SLC36A1: variants seen among roughly 807,000 people sequenced by gnomAD.
SLC36A1 encodes proton-coupled amino acid transporter 1.
Under a neutral mutation model 47.5 loss-of-function variants are expected in SLC36A1, and 30 were observed. The ratio of observed to expected loss-of-function variants is 0.63; its 90% CI spans 0.47 to 0.86. The LOEUF (loss-of-function observed/expected upper bound fraction) is 0.86, where lower values mean the gene tolerates loss of function less well. Among genes scored for constraint, SLC36A1 ranks in the 40% least tolerant of loss-of-function variants. SLC36A1 has a pLI of 0.00. For synonymous variants in SLC36A1, 255 were observed against 249.7 expected (o/e 1.02, Z -0.20); for missense variants, 517 against 606.0 (o/e 0.85, Z 1.54).
At chr5:151,468,380 ATATT>A (rs1756882529) in intron 7 of SLC36A1, among the ~76,000 whole-genome samples, 1 of 143,464 alleles carries the variant, frequency 7.0e-6, no homozygotes, top group African/African-American at 2.6e-5. Flanking sequence ...CATGTAATAT[ATATT>A]ATGTACATGC....
chr5:151,384,752 G>A, the SLC36A1 span, among the ~76,000 whole-genome samples: 1 of 152,104 alleles, frequency 6.6e-6, no homozygotes, highest in Non-Finnish European at 1.5e-5. Context: ...TCTTTGTTAT[G>A]TTGAGCTTAA....
the SLC36A1 span, among the ~76,000 whole-genome samples, chr5:151,537,446 A>AG: frequency 2.7e-3 from 390 of 144,752 alleles, 2 homozygotes; most frequent in South Asian, 0.014. Flanking sequence ...AGGAGAGGGG[A>AG]GGGGAGGGGA....
At chr5:151,345,265 T>C in the SLC36A1 span, among the ~76,000 whole-genome samples, 5 of 152,208 alleles carry the variant, frequency 3.3e-5, no homozygotes, top group Admixed American at 1.3e-4. Flanking sequence ...AGGAGACTTA[T>C]TCTTTGTAAA....
chr5:151,522,293 T>C, the SLC36A1 span: 2 of 542,520 alleles, frequency 3.7e-6, no homozygotes, highest in Non-Finnish European at 6.5e-6. Flanking sequence ...TTTGTAGAGA[T>C]TGAAGGAGGG....
At chr5:151,507,461 G>T in the SLC36A1 span, 1 of 1,614,178 alleles carries the variant, frequency 6.2e-7, no homozygotes, top group Non-Finnish European at 8.5e-7. Flanking sequence ...TGCAACGGCG[G>T]CAGTAGAAGA....
chr5:151,521,513 A>G, the SLC36A1 span: 2 of 1,614,248 alleles, frequency 1.2e-6, no homozygotes, highest in Non-Finnish European at 1.7e-6. Context: ...TGAAACTCGT[A>G]GAAGGTTCCA....
At chr5:151,376,637 A>C in the SLC36A1 span, among the ~76,000 whole-genome samples, 5 of 151,240 alleles carry the variant, frequency 3.3e-5, no homozygotes, top group Non-Finnish European at 5.9e-5. Context: ...TCATTTCAAA[A>C]ATTTTTTTTT....
rs144287550 is a variant in SLC36A1 at position 151,467,892 on chromosome 5, C to T, written c.690C>T (p.Val230=). The T allele has an allele frequency of 2.6e-4, 426 of 1,613,804 alleles. No individual in the cohort carries two copies. Among genetic ancestry groups the T allele is most frequent in the Non-Finnish European group, 3.5e-4 (417 of 1,179,964 alleles). The change falls in exon 7 of 11, where the codon GTC becomes GTT. Residue 230 remains valine (V), a synonymous_variant. Transcript: ENST00000243389. ...FSLLANITML[V]SLVMIYQFIV... Reference sequence around the variant, plus strand: ...TGTTGGCCAACATCACCATGCTGGTCAGCTTGGTCATGATCTACCAGTTCA... The same window carrying T: ...TGTTGGCCAACATCACCATGCTGGTTAGCTTGGTCATGATCTACCAGTTCA...
At chr5:151,449,023 A>C (rs1581045672) in intron 1 of SLC36A1, among the ~76,000 whole-genome samples, 1 of 152,130 alleles carries the variant, frequency 6.6e-6, no homozygotes, top group Admixed American at 6.5e-5. Flanking sequence ...AAGTATTGCG[A>C]TTACAGGGGT....
the SLC36A1 span, chr5:151,550,559 G>A: frequency 2.8e-5 from 45 of 1,611,024 alleles, no homozygotes; most frequent in South Asian, 1.3e-4. Context: ...ACATGCAAAC[G>A]TATTCTCACC....
downstream of SLC36A1, among the ~76,000 whole-genome samples, chr5:151,495,205 G>A (rs1290780675): frequency 3.3e-5 from 5 of 152,090 alleles, no homozygotes; most frequent in African/African-American, 1.2e-4. Context: ...ATCTCATTAC[G>A]GTTTTAATTT....
At chr5:151,471,399 ACTT>A (rs896714162) in intron 7 of SLC36A1, among the ~76,000 whole-genome samples, 15 of 152,338 alleles carry the variant, frequency 9.8e-5, no homozygotes, top group Admixed American at 9.1e-4. Context: ...AGAATAATAC[ACTT>A]CTTCTGCTGG....
At chr5:151,549,623 C>T in the SLC36A1 span, 4,973 of 733,378 alleles carry the variant, frequency 6.8e-3, 113 homozygotes, top group South Asian at 0.048. Flanking sequence ...TAACTAACTC[C>T]CCATATTCTT....
At chr5:151,525,991 CAA>C in the SLC36A1 span, 3 of 1,610,356 alleles carry the variant, frequency 1.9e-6, no homozygotes, top group Non-Finnish European at 2.5e-6. Flanking sequence ...ACAAAGAAGG[CAA>C]AGAGCAGAAT....
In SLC36A1 at chr5:151,473,732, C is replaced by A; in HGVS notation, c.783C>A (p.Phe261Leu). The A allele has an allele frequency of 6.2e-7, 1 of 1,614,102 alleles. No homozygotes were observed. The change falls in exon 8 of 11, where the codon TTC becomes TTA. Residue 261 changes from phenylalanine (F) to leucine (L), a missense_variant. By Grantham distance (22) the Phe-to-Leu change is conservative. Coordinates refer to ENST00000243389, the MANE Select transcript of SLC36A1 (RefSeq NM_078483.4). Reference protein sequence around the residue: ...LVAPWKTYPLFFGTAIFSFEG... With the variant: ...LVAPWKTYPLLFGTAIFSFEG... ...CCCCTTGGAAGACCTACCCTCTCTTCTTTGGCACAGCGATTTTTTCATTTG... is the reference window on the plus strand; with the variant it reads ...CCCCTTGGAAGACCTACCCTCTCTTATTTGGCACAGCGATTTTTTCATTTG...
the SLC36A1 span, chr5:151,510,178 G>A: frequency 6.2e-7 from 1 of 1,613,892 alleles, no homozygotes; most frequent in Non-Finnish European, 8.5e-7. Flanking sequence ...ACATAGCCTA[G>A]GAGAAAAAGA....
At chr5:151,388,196 G>T in the SLC36A1 span, among the ~76,000 whole-genome samples, 1 of 152,044 alleles carries the variant, frequency 6.6e-6, no homozygotes, top group Non-Finnish European at 1.5e-5. Flanking sequence ...CCTGGAGGAG[G>T]CTTCATCTGC....
the SLC36A1 span, chr5:151,543,860 G>A: frequency 4.3e-6 from 7 of 1,614,072 alleles, no homozygotes; most frequent in Non-Finnish European, 5.9e-6. Flanking sequence ...TGCCTGTCCT[G>A]ATTGCCAGAA....
chr5:151,391,783 G>A, the SLC36A1 span, among the ~76,000 whole-genome samples: 2 of 152,180 alleles, frequency 1.3e-5, no homozygotes, highest in Non-Finnish European at 2.9e-5. Flanking sequence ...GCTTTTTGAT[G>A]TGCTGCTGGA....
Sources: allele counts gnomAD v4.1 joint callset (sites outside exome capture counted in the v4.1 genomes callset), GRCh38; gene constraint gnomAD v4.1.1; transcripts MANE v1.5; gene names NCBI Gene and HGNC (gene_info 2026-07-23, HGNC 2026-07-21).